Variants in FAM210A observed in about 807,000 individuals in gnomAD.
FAM210A encodes mitochondrial inner membrane scaffold 1.
FAM210A carries 13 observed loss-of-function variants against 25.3 expected under a neutral mutation model. The ratio of observed to expected loss-of-function variants is 0.51; its 90% CI spans 0.33 to 0.82. The LOEUF (loss-of-function observed/expected upper bound fraction) is 0.82. FAM210A is among the 40% of genes least tolerant of loss of function. The probability of loss-of-function intolerance (pLI) is 0.02; values close to 1 mark genes in which losing one functional copy is unlikely to be tolerated. For synonymous variants in FAM210A, 125 were observed against 118.7 expected (o/e 1.05, Z -0.35); for missense variants, 319 against 323.2 (o/e 0.99, Z 0.10).
intron 1 of FAM210A, among the ~76,000 whole-genome samples, chr18:13,697,070 C>T (rs553458381): frequency 3.3e-4 from 50 of 152,274 alleles, no homozygotes; most frequent in African/African-American, 5.8e-4. Flanking sequence ...TACAGTAATG[C>T]GCTGTACAGG....
chr18:13,692,961 T>C (rs1008653137), intron 1 of FAM210A, among the ~76,000 whole-genome samples: 1 of 152,182 alleles, frequency 6.6e-6, no homozygotes, highest in Non-Finnish European at 1.5e-5. Context: ...ATCCAGGAGC[T>C]GGTTTTTTGG....
At chr18:13,669,630 C>T (rs2043426867) in intron 3 of FAM210A, among the ~76,000 whole-genome samples, 1 of 152,162 alleles carries the variant, frequency 6.6e-6, no homozygotes, top group Non-Finnish European at 1.5e-5. Flanking sequence ...CGTACACACA[C>T]TTTGTGTGTG....
At chr18:13,708,372 GTTGTTCAAGAGTTTTTGTAGAGACTA>G in intron 1 of FAM210A, among the ~76,000 whole-genome samples, 1 of 152,314 alleles carries the variant, frequency 6.6e-6, no homozygotes, top group East Asian at 1.9e-4. Flanking sequence ...TATCAAGTCT[GTTGTTCAAGAGTTTTTGTAGAGACTA>G]ATCTCCAGCC....
chr18:13,725,479 T>G (rs2043933767), intron 1 of FAM210A, among the ~76,000 whole-genome samples: 1 of 152,182 alleles, frequency 6.6e-6, no homozygotes, highest in South Asian at 2.1e-4. Context: ...TATTCATTAA[T>G]ATACCTGTGC....
At chr18:13,705,226 T>C (rs1232964255) in intron 1 of FAM210A, among the ~76,000 whole-genome samples, 3 of 152,226 alleles carry the variant, frequency 2.0e-5, no homozygotes, top group Non-Finnish European at 2.9e-5. Flanking sequence ...CTAAGTCAAA[T>C]TGCCTATGAT....
At position 13,695,517 on chromosome 18, in the gene FAM210A, T is replaced by C. The variant is rs188571323; in HGVS notation, c.-28-13412A>G. On this transcript the variant is annotated intron_variant, in intron 1 of 3. Transcript: ENST00000651643. ...AAGAAAATGTGGCACATATACACCATGGAATACTATGCAGCCATAAAAAAG... is the reference window on the plus strand; with the variant it reads ...AAGAAAATGTGGCACATATACACCACGGAATACTATGCAGCCATAAAAAAG... 3.2e-3 allele frequency among the ~76,000 whole-genome samples: 482 copies of C among 152,302 alleles called. 1 individual carries two copies. Among genetic ancestry groups the C allele is most frequent in the Middle Eastern group, 6.8e-3 (2 of 292 alleles).
intron 2 of FAM210A, among the ~76,000 whole-genome samples, chr18:13,677,109 C>G (rs1260003523): frequency 6.7e-6 from 1 of 148,500 alleles, no homozygotes; most frequent in Non-Finnish European, 1.5e-5. Flanking sequence ...GAGTCTCGCT[C>G]TGTCGCCCAG....
chr18:13,684,796 C>T (rs1033040129), intron 1 of FAM210A, among the ~76,000 whole-genome samples: 11 of 152,116 alleles, frequency 7.2e-5, no homozygotes, highest in Admixed American at 7.2e-4. Flanking sequence ...CAAGCAGACC[C>T]CATGCTGGGC....
chr18:13,673,503 A>G (rs12959557), intron 2 of FAM210A, among the ~76,000 whole-genome samples: 4 of 132,100 alleles, frequency 3.0e-5, no homozygotes, highest in African/African-American at 1.2e-4. Flanking sequence ...TAACATTCCT[A>G]AGCCCCGGCT....
At chr18:13,716,373 C>T (rs1441760532) in intron 1 of FAM210A, among the ~76,000 whole-genome samples, 4 of 152,130 alleles carry the variant, frequency 2.6e-5, no homozygotes, top group African/African-American at 9.7e-5. Flanking sequence ...AAGGACAGGG[C>T]TCATAGCATT....
intron 1 of FAM210A, among the ~76,000 whole-genome samples, chr18:13,708,173 C>A (rs146119079): frequency 1.5e-4 from 23 of 152,118 alleles, no homozygotes; most frequent in Non-Finnish European, 2.8e-4. Context: ...AGTCCTTTAA[C>A]GCTGGGTTTG....
At chr18:13,677,349 C>G (rs1036063982) in intron 2 of FAM210A, among the ~76,000 whole-genome samples, 9 of 152,334 alleles carry the variant, frequency 5.9e-5, no homozygotes, top group Admixed American at 3.3e-4. Flanking sequence ...GCTGGGATTA[C>G]AGGCGTGAGC....
rs1187358463 is a variant in FAM210A, at chr18:13,674,966, A to T, written c.474-2993T>A. Among the ~76,000 whole-genome samples, 4 of 149,666 alleles carry T rather than the reference A, an allele frequency of 2.7e-5. No individual in the cohort carries two copies. The East Asian group carries it at 8.1e-4, about 30-fold the overall frequency. Reference sequence around the variant, plus strand: ...CTTATTTCCAGTTTCCTGATTATTAACATTCCTGAGCCCTGGCTTCTTTAT... The same window carrying T: ...CTTATTTCCAGTTTCCTGATTATTATCATTCCTGAGCCCTGGCTTCTTTAT... On this transcript the variant is annotated intron_variant, in intron 2 of 3. Transcript: ENST00000651643.
intron 1 of FAM210A, among the ~76,000 whole-genome samples, chr18:13,716,526 G>T (rs1231518465): frequency 3.3e-5 from 5 of 152,134 alleles, no homozygotes; most frequent in African/African-American, 1.2e-4. Flanking sequence ...TATGGATTCT[G>T]GGGGTTCCAG....
intron 1 of FAM210A, among the ~76,000 whole-genome samples, chr18:13,705,204 G>T (rs2043768435): frequency 6.6e-6 from 1 of 152,104 alleles, no homozygotes; most frequent in Non-Finnish European, 1.5e-5. Context: ...CAATTTAAAT[G>T]AACTCCATAG....
At chr18:13,678,292 T>G (rs537470607) in intron 2 of FAM210A, among the ~76,000 whole-genome samples, 13 of 152,298 alleles carry the variant, frequency 8.5e-5, no homozygotes, top group African/African-American at 3.1e-4. Flanking sequence ...TATTTTTTTT[T>G]TTTTAGATGG....
At chr18:13,696,120 T>C (rs1378450535) in intron 1 of FAM210A, among the ~76,000 whole-genome samples, 1 of 152,216 alleles carries the variant, frequency 6.6e-6, no homozygotes. Flanking sequence ...CATTCATAGA[T>C]AGACTCATTA....
chr18:13,718,566 C>G (rs1234096994), intron 1 of FAM210A, among the ~76,000 whole-genome samples: 1 of 152,008 alleles, frequency 6.6e-6, no homozygotes, highest in Non-Finnish European at 1.5e-5. Flanking sequence ...TAGTGAATTT[C>G]CCACATCTTC....
chr18:13,695,494 G>C (rs557530283), intron 1 of FAM210A, among the ~76,000 whole-genome samples: 165 of 152,178 alleles, frequency 1.1e-3, no homozygotes, highest in Non-Finnish European at 2.0e-3. Flanking sequence ...ACTGGATTAA[G>C]AAAATGTGGC....
Sources: gnomAD v4.1 joint callset for allele counts (sites outside exome capture counted in the v4.1 genomes callset) on GRCh38, gnomAD v4.1.1 for gene constraint, MANE v1.5 for transcripts, NCBI Gene and HGNC (gene_info 2026-07-23, HGNC 2026-07-21) for gene names.